Variants in ERCC6L2 observed in about 807,000 individuals in gnomAD.
ERCC6L2 encodes DNA excision repair protein ERCC-6-like 2.
A neutral mutation model predicts 132.0 loss-of-function variants in ERCC6L2; 77 were observed. The ratio of observed to expected loss-of-function variants is 0.58; its 90% CI spans 0.49 to 0.71. ERCC6L2 has a LOEUF of 0.71. ERCC6L2 is among the 30% of genes least tolerant of loss of function. The probability of loss-of-function intolerance (pLI) is 0.00; values close to 1 mark genes in which losing one functional copy is unlikely to be tolerated. For missense variants in ERCC6L2, 1,542 were observed against 1,837.6 expected, an observed-to-expected ratio of 0.84 and a Z score of 2.94; for synonymous variants, 583 against 632.4, an observed-to-expected ratio of 0.92 and a Z score of 1.17.
At chr9:95,898,666 A>G (rs1828594232) in intron 3 of ERCC6L2, among the ~76,000 whole-genome samples, 2 of 152,204 alleles carry the variant, frequency 1.3e-5, no homozygotes, top group African/African-American at 4.8e-5. Flanking sequence ...CTCAGCCTCC[A>G]GGAAACCAGA....
At chr9:95,987,438 A>C (rs956789382) in intron 17 of ERCC6L2, among the ~76,000 whole-genome samples, 1 of 152,226 alleles carries the variant, frequency 6.6e-6, no homozygotes, top group African/African-American at 2.4e-5. Flanking sequence ...AAATTGGCCA[A>C]AATGAAGGTG....
intron 17 of ERCC6L2, among the ~76,000 whole-genome samples, chr9:96,000,338 T>C (rs1211198938): frequency 6.6e-6 from 1 of 152,232 alleles, no homozygotes; most frequent in Non-Finnish European, 1.5e-5. Context: ...AGAAATCGTT[T>C]GTTACTAAAG....
chr9:96,008,487 T>C (rs1833931039), intron 18 of ERCC6L2, among the ~76,000 whole-genome samples: 1 of 152,192 alleles, frequency 6.6e-6, no homozygotes, highest in African/African-American at 2.4e-5. Flanking sequence ...TAATTCTTTG[T>C]GCCCTCTGAG....
At chr9:95,964,739 A>G (rs1300688525) in intron 13 of ERCC6L2, among the ~76,000 whole-genome samples, 4 of 152,156 alleles carry the variant, frequency 2.6e-5, no homozygotes, top group African/African-American at 9.7e-5. Flanking sequence ...GAACTAAGCT[A>G]CATTTTTTAG....
At chr9:95,935,917 T>C (rs1213820603) in intron 11 of ERCC6L2, among the ~76,000 whole-genome samples, 2 of 152,138 alleles carry the variant, frequency 1.3e-5, no homozygotes, top group Non-Finnish European at 2.9e-5. Flanking sequence ...AAAAGTAAAA[T>C]TTTCCAGATG....
At position 95,984,343 on chromosome 9, in the gene ERCC6L2, C is replaced by T. The variant is rs1034440324; in HGVS notation, c.3492+6128C>T. 3.3e-5 allele frequency among the ~76,000 whole-genome samples: 5 copies of T among 149,970 alleles called. No homozygotes were observed. The East Asian group carries it at 7.8e-4, about 23-fold the overall frequency. ...TATATGTGTATATATATATGTAATA[C>T]ATACATGTGTGAACTACATAGCTAT... On this transcript the variant is annotated intron_variant, in intron 17 of 18. Transcript: ENST00000653738.
chr9:96,038,701 G>A lies in ERCC6L2; in HGVS notation c.*1504-175G>A, dbSNP rs373132417. Among the ~76,000 whole-genome samples, 65 of 152,372 alleles carry A rather than the reference G, an allele frequency of 4.3e-4. No individual in the cohort carries two copies. In the South Asian group the frequency reaches 0.012, roughly 28 times the overall value. ...AAGAAGGGTGACTGCTGTCATGTGG[G>A]AGAAGAATGAAGTGAACTGTGGTGG... On this transcript the variant is annotated intron_variant and NMD_transcript_variant, in intron 19 of 20. Transcript: ENST00000670016.
In ERCC6L2 at chr9:96,015,789, C is replaced by T. The variant is rs574419015; in HGVS notation, c.*2586C>T. On this transcript the variant is annotated 3_prime_UTR_variant, in exon 19 of 19. Transcript: ENST00000653738. ...CTGCACCCCAGCCTGGGTGACAGAG[C>T]AAGACTCCATCTCAAAAAAGGAAAC... 7.5e-4 allele frequency among the ~76,000 whole-genome samples: 114 copies of T among 152,126 alleles called. No homozygotes were observed. Among genetic ancestry groups the T allele is most frequent in the African/African-American group, 2.6e-3 (108 of 41,534 alleles).
downstream of ERCC6L2, chr9:96,020,784 AAG>A (rs1393303906): frequency 1.1e-5 from 5 of 456,654 alleles, no homozygotes; most frequent in Middle Eastern, 3.2e-4. Flanking sequence ...GGACGGGCCT[AAG>A]AGAATGGGAA....
chr9:96,011,865 A>T (rs754934220), intron 18 of ERCC6L2, among the ~76,000 whole-genome samples: 60 of 152,378 alleles, frequency 3.9e-4, no homozygotes, highest in Middle Eastern at 3.4e-3. Context: ...TGAATACAAT[A>T]TAGATTTTCA....
chr9:95,940,459 T>G (rs114641808), intron 11 of ERCC6L2, among the ~76,000 whole-genome samples: 2,718 of 152,168 alleles, frequency 0.018, 86 homozygotes, highest in African/African-American at 0.061. Flanking sequence ...CTTCTCACAG[T>G]TTTTTTGGAT....
In ERCC6L2 at chr9:95,886,181, A is replaced by G. The variant is rs142036298; in HGVS notation, c.471+4888A>G. 3.1e-3 allele frequency among the ~76,000 whole-genome samples: 468 copies of G among 152,020 alleles called. 3 individuals are homozygous for G. The highest frequency in any genetic ancestry group is 4.8e-3 in the Non-Finnish European group (323 of 67,974). On this transcript the variant is annotated intron_variant, in intron 2 of 18. Transcript: ENST00000653738. ...TAGTTGCTCACCACCACGCCCAGCT[A>G]ATTTTTTGTATTTTTGGTAGAGATG...
rs1272347372 is a variant in ERCC6L2 at position 96,013,010 on chromosome 9, A to G, written c.4460A>G (p.Asp1487Gly). The G allele has an allele frequency of 1.5e-6, 2 of 1,367,630 alleles. No homozygotes were observed. The highest frequency in any genetic ancestry group is 2.0e-6 in the Non-Finnish European group (2 of 1,021,810). The allele number at this position is 1,367,630 out of a possible 1,614,324, so 84.7% of individuals were successfully genotyped here. A position where few individuals can be genotyped will look rare whatever the true frequency, so the allele number is the denominator to read the frequency against. Reference protein sequence around the residue: ...DFWDILNEQNDESLSKLTDLA... With the variant: ...DFWDILNEQNGESLSKLTDLA... ...TGGGACATCTTGAATGAGCAGAATG[A>G]TGAGAGTCTTAGTAAACTCACAGAC... The change falls in exon 19 of 19, where the codon GAT (aspartate) becomes GGT (glycine). Residue 1487 changes from aspartate (D) to glycine (G), a missense_variant. Asp to Gly is a moderately conservative substitution (Grantham distance 94). This residue lies in a region of ERCC6L2 where 442 missense variants were observed against 583.4 expected (regional missense o/e 0.76). Transcript: ENST00000653738.
At position 95,928,727 on chromosome 9, in the gene ERCC6L2, C is replaced by T. The variant is rs143996230; in HGVS notation, c.1614C>T (p.Asp538=). 8.2e-5 allele frequency: 131 copies of T among 1,595,388 alleles called. No homozygotes were observed. The highest frequency in any genetic ancestry group is 3.4e-5 in the South Asian group (3 of 87,118). Residue 538 remains aspartate (D), a synonymous_variant, in exon 11 of 19, where the codon GAC becomes GAT. Coordinates refer to ENST00000653738, the MANE Select transcript of ERCC6L2 (RefSeq NM_020207.7). ...LLFSFSTKLL[D]VLQQYCMASG... is the part of the protein sequence containing the mutation. ...TCATACCTCTCGTCTAGTTGCTTGA[C>T]GTGCTACAGCAGTACTGTATGGCGT...
chr9:95,962,753 C>T (rs1206164258), intron 13 of ERCC6L2, among the ~76,000 whole-genome samples: 1 of 152,112 alleles, frequency 6.6e-6, no homozygotes, highest in Non-Finnish European at 1.5e-5. Context: ...AAGTATGTTC[C>T]TCTACTTACG....
intron 3 of ERCC6L2, among the ~76,000 whole-genome samples, chr9:95,902,195 C>T (rs752242840): frequency 1.9e-4 from 29 of 152,182 alleles, no homozygotes; most frequent in Non-Finnish European, 3.4e-4. Context: ...AGAATAAATT[C>T]TTAAAGGAAA....
intron 18 of ERCC6L2, 91 bp downstream of exon 18, chr9:96,004,792 C>T: frequency 1.3e-6 from 1 of 794,588 alleles, no homozygotes; most frequent in South Asian, 1.6e-5. Flanking sequence ...TGAATTATAA[C>T]CATAACTGAC....
intron 13 of ERCC6L2, among the ~76,000 whole-genome samples, chr9:95,960,076 C>T (rs931275579): frequency 7.9e-5 from 12 of 152,026 alleles, no homozygotes; most frequent in Non-Finnish European, 1.6e-4. Context: ...GCAGAGGTGT[C>T]TACTGTCAAG....
chr9:95,914,699 A>G (rs1829498653), intron 4 of ERCC6L2, among the ~76,000 whole-genome samples: 2 of 152,188 alleles, frequency 1.3e-5, no homozygotes, highest in Admixed American at 6.5e-5. Context: ...CCTGTATCAG[A>G]TTATGATTTG....
Sources: allele counts gnomAD v4.1 joint callset (sites outside exome capture counted in the v4.1 genomes callset), GRCh38; gene constraint gnomAD v4.1.1; regional missense constraint gnomAD v4.1.1; transcripts MANE v1.5; gene names NCBI Gene and HGNC (gene_info 2026-07-23, HGNC 2026-07-21).